Variants in SAMMSON observed in about 807,000 individuals in gnomAD.
SAMMSON encodes the protein long intergenic non-protein coding RNA 1212.
chr3:70,366,492 G>GTTTTTTTTTTTTTTTTTTTTT, intron 9 of SAMMSON, among the ~76,000 whole-genome samples: 1 of 100,758 alleles, frequency 9.9e-6, no homozygotes, highest in Non-Finnish European at 2.1e-5. Flanking sequence ...GTGTTTTTAT[G>GTTTTTTTTTTTTTTTTTTTTT]TTTTTTTTTT....
At chr3:70,143,555 G>T (rs1004491524) in intron 4 of SAMMSON, among the ~76,000 whole-genome samples, 1 of 152,076 alleles carries the variant, frequency 6.6e-6, no homozygotes, top group Middle Eastern at 3.2e-3. Flanking sequence ...TCACCTTTGT[G>T]GGTCAATCCA....
intron 4 of SAMMSON, among the ~76,000 whole-genome samples, chr3:70,081,051 T>A (rs1439081149): frequency 6.6e-6 from 1 of 152,232 alleles, no homozygotes; most frequent in Non-Finnish European, 1.5e-5. Context: ...GTTTTGTTCA[T>A]TGATACTGTC....
At chr3:70,359,282 C>A (rs1260564544) in intron 9 of SAMMSON, among the ~76,000 whole-genome samples, 4 of 152,004 alleles carry the variant, frequency 2.6e-5, no homozygotes, top group Non-Finnish European at 2.9e-5. Flanking sequence ...AGCCCAAGTA[C>A]TCAAGAATAG....
At chr3:70,088,118 T>A (rs906742173) in intron 4 of SAMMSON, among the ~76,000 whole-genome samples, 1 of 152,170 alleles carries the variant, frequency 6.6e-6, no homozygotes, top group Non-Finnish European at 1.5e-5. Context: ...TAGGTTTTCT[T>A]CACTTAGGGT....
At chr3:70,152,427 T>A (rs534644045) in intron 4 of SAMMSON, among the ~76,000 whole-genome samples, 30 of 152,186 alleles carry the variant, frequency 2.0e-4, no homozygotes, top group African/African-American at 7.0e-4. Context: ...TTTTAAGCAC[T>A]CTTCTAATCA....
intron 4 of SAMMSON, among the ~76,000 whole-genome samples, chr3:70,221,858 T>G (rs933445760): frequency 6.6e-6 from 1 of 152,210 alleles, no homozygotes; most frequent in African/African-American, 2.4e-5. Context: ...ATTGAGGTTT[T>G]GTCGTTACTT....
chr3:70,268,430 G>A (rs745781204), intron 6 of SAMMSON, among the ~76,000 whole-genome samples: 2 of 134,636 alleles, frequency 1.5e-5, no homozygotes, highest in African/African-American at 5.8e-5. Context: ...AGCAGAGATC[G>A]CATCACTGCA....
chr3:70,172,942 T>C lies in SAMMSON; in HGVS notation n.508-76165T>C, dbSNP rs947967931. ...ATATCAAATGTCAGCTTTACACCTG[T>C]TATTTTTTCTTTATTAGAACTTATA... On this transcript the variant is annotated intron_variant and non_coding_transcript_variant, in intron 4 of 9. Transcript: ENST00000642114. The C allele has an allele frequency of 2.6e-5, 4 of 152,122 alleles. No individual in the cohort carries two copies. The South Asian group carries it at 8.3e-4, about 32-fold the overall frequency. The allele number at this position is 152,122 out of a possible 1,614,324, so 9.4% of individuals were successfully genotyped here.
intron 7 of SAMMSON, among the ~76,000 whole-genome samples, chr3:70,294,337 A>G (rs1419276499): frequency 1.3e-5 from 2 of 152,186 alleles, no homozygotes; most frequent in Non-Finnish European, 2.9e-5. Flanking sequence ...ACAAGAAGTA[A>G]TGATACTTAG....
chr3:70,247,581 T>C (rs74707913), intron 4 of SAMMSON, among the ~76,000 whole-genome samples: 21,596 of 151,868 alleles, frequency 0.14, 2,282 homozygotes, highest in East Asian at 0.54. Flanking sequence ...CACAACTCAA[T>C]TCTATTAGAA....
At chr3:70,284,781 A>C (rs1205048489) in intron 6 of SAMMSON, among the ~76,000 whole-genome samples, 1 of 152,108 alleles carries the variant, frequency 6.6e-6, no homozygotes, top group East Asian at 1.9e-4. Flanking sequence ...GGATCAGGGA[A>C]AATAACTAAT....
chr3:70,316,071 A>C (rs1238669110), intron 7 of SAMMSON, among the ~76,000 whole-genome samples: 1 of 152,152 alleles, frequency 6.6e-6, no homozygotes, highest in Non-Finnish European at 1.5e-5. Context: ...TTTTGACTCA[A>C]GCCTCAGTAT....
intron 6 of SAMMSON, among the ~76,000 whole-genome samples, chr3:70,285,460 T>A (rs1353949818): frequency 5.9e-5 from 9 of 152,082 alleles, no homozygotes; most frequent in Admixed American, 6.6e-5. Context: ...TCTATCATTG[T>A]TGGACATTTG....
At chr3:70,334,860 A>G (rs1018729027) in intron 7 of SAMMSON, among the ~76,000 whole-genome samples, 10 of 152,156 alleles carry the variant, frequency 6.6e-5, no homozygotes, top group Middle Eastern at 3.2e-3. Context: ...TCTAGGATTG[A>G]CAATCAATGG....
intron 9 of SAMMSON, among the ~76,000 whole-genome samples, chr3:70,383,526 G>GT (rs1703091826): frequency 6.6e-6 from 1 of 152,004 alleles, no homozygotes; most frequent in South Asian, 2.1e-4. Flanking sequence ...ATGAATTGGG[G>GT]TTTTAAGTCC....
intron 4 of SAMMSON, among the ~76,000 whole-genome samples, chr3:70,104,550 G>T (rs1039273437): frequency 5.9e-5 from 9 of 152,118 alleles, no homozygotes; most frequent in Admixed American, 6.5e-5. Context: ...ATGGAGAGGA[G>T]GATGCGAACA....
intron 4 of SAMMSON, among the ~76,000 whole-genome samples, chr3:70,159,808 C>T (rs1436500500): frequency 3.9e-5 from 6 of 151,990 alleles, no homozygotes; most frequent in Non-Finnish European, 8.8e-5. Context: ...CTTCCTGCCT[C>T]GGCCTCCCAA....
intron 3 of SAMMSON, among the ~76,000 whole-genome samples, chr3:70,065,988 C>G (rs1251589530): frequency 2.0e-5 from 3 of 152,124 alleles, no homozygotes; most frequent in African/African-American, 7.2e-5. Flanking sequence ...CAGTTACATG[C>G]TGGTGAGCTG....
intron 7 of SAMMSON, among the ~76,000 whole-genome samples, chr3:70,347,785 G>A (rs999146747): frequency 6.6e-6 from 1 of 152,190 alleles, no homozygotes; most frequent in East Asian, 1.9e-4. Flanking sequence ...GCTCACTCCT[G>A]TAATCCCAGC....
Sources: gnomAD v4.1 joint callset for allele counts (sites outside exome capture counted in the v4.1 genomes callset) on GRCh38, gnomAD v4.1.1 for gene constraint, MANE v1.5 for transcripts, NCBI Gene and HGNC (gene_info 2026-07-23, HGNC 2026-07-21) for gene names.